GEMIN2: variants seen among roughly 807,000 people sequenced by gnomAD.
The protein encoded by GEMIN2 is gem-associated protein 2.
In GEMIN2, 37 loss-of-function variants were observed where a neutral mutation model predicts 45.8. The observed-to-expected ratio is 0.81, with a 90% CI of 0.62 to 1.06. The LOEUF is 1.06. Among genes scored for constraint, GEMIN2 ranks in the 50% least tolerant of loss-of-function variants. The probability of loss-of-function intolerance (pLI) is 0.00; values close to 1 mark genes in which losing one functional copy is unlikely to be tolerated. For missense variants in GEMIN2, 335 were observed against 321.8 expected, an observed-to-expected ratio of 1.04 and a Z score of -0.31; for synonymous variants, 101 against 111.5, an observed-to-expected ratio of 0.91 and a Z score of 0.60.
chr14:39,121,699 T>C (rs1028031837), intron 4 of GEMIN2, among the ~76,000 whole-genome samples: 1 of 151,936 alleles, frequency 6.6e-6, no homozygotes, highest in Non-Finnish European at 1.5e-5. Flanking sequence ...GGCAGCAAGG[T>C]TGGTCTCTTT....
chr14:39,126,035 A>G (rs1365756108), intron 6 of GEMIN2, among the ~76,000 whole-genome samples: 1 of 151,504 alleles, frequency 6.6e-6, no homozygotes, highest in Non-Finnish European at 1.5e-5. Context: ...AAAAAAAAAG[A>G]AAGATTGAAA....
rs192507058 is a variant in GEMIN2 at position 39,119,648 on chromosome 14, T to C, written c.372+1049T>C. Among the ~76,000 whole-genome samples the C allele has an allele frequency of 2.0e-5, 3 of 152,356 alleles. No homozygotes were observed. The East Asian group carries it at 5.8e-4, about 29-fold the overall frequency. On this transcript the variant is annotated intron_variant, in intron 4 of 9. Coordinates refer to ENST00000308317, the MANE Select transcript of GEMIN2 (RefSeq NM_003616.3). ...TTCCTTTAGGCAGTGCTTCCTGATA[T>C]CTTTTACATGGTGACACATTAGAAT...
chr14:39,126,272 G>C (rs529933890), intron 6 of GEMIN2, among the ~76,000 whole-genome samples: 1 of 142,166 alleles, frequency 7.0e-6, no homozygotes, highest in African/African-American at 2.6e-5. Flanking sequence ...CTTGTACTTT[G>C]GGGCTCAGGC....
In GEMIN2 at chr14:39,114,396, G is replaced by A. The variant is rs1472339454; in HGVS notation, c.58G>A (p.Val20Ile). ...AGAGTTGATGCCTCGGCTATTGCCG[G>A]TAGAGCCTTGCGACTTGACGGAAGG... is the stretch of plus-strand genomic sequence containing the variant. The part of the protein sequence containing the change: ...VEELMPRLLP[V>I]EPCDLTEGFD... The change falls in exon 1 of 10, where the codon GTA (valine) becomes ATA (isoleucine). Residue 20 changes from valine (V) to isoleucine (I), a missense_variant. Physicochemically the swap from Val to Ile is conservative, Grantham distance 29 (BLOSUM62 3). Transcript: ENST00000308317. 2 of 1,613,836 alleles carry A rather than the reference G, an allele frequency of 1.2e-6. No homozygotes were observed. The highest frequency in any genetic ancestry group is 1.7e-6 in the Non-Finnish European group (2 of 1,179,780).
At chr14:39,116,042 T>C (rs1011320566) in intron 2 of GEMIN2, among the ~76,000 whole-genome samples, 2 of 152,012 alleles carry the variant, frequency 1.3e-5, no homozygotes, top group African/African-American at 4.8e-5. Flanking sequence ...GGGCTCTCTT[T>C]TTCCCCCTTT....
At chr14:39,116,949 T>C (rs2052516362) in intron 2 of GEMIN2, among the ~76,000 whole-genome samples, 2 of 152,136 alleles carry the variant, frequency 1.3e-5, no homozygotes, top group African/African-American at 4.8e-5. Context: ...GGTCTTGATA[T>C]GTTGCTCAGG....
chr14:39,131,551 G>T (rs1021791034), intron 7 of GEMIN2, among the ~76,000 whole-genome samples: 4 of 152,124 alleles, frequency 2.6e-5, no homozygotes, highest in African/African-American at 4.8e-5. Flanking sequence ...TAGTTTCTTT[G>T]TATGTCCCCA....
intron 5 of GEMIN2, among the ~76,000 whole-genome samples, 189 bp from the exon 6 acceptor site, chr14:39,124,803 C>T (rs1461768311): frequency 6.6e-6 from 1 of 151,826 alleles, no homozygotes; most frequent in Non-Finnish European, 1.5e-5. Context: ...AAATTTAAGG[C>T]GTTATTTTCT....
chr14:39,119,480 G>C (rs199548923), intron 4 of GEMIN2, among the ~76,000 whole-genome samples: 3 of 152,296 alleles, frequency 2.0e-5, no homozygotes, highest in East Asian at 3.9e-4. Context: ...CATTGTCTCA[G>C]GACAGTAGTT....
Position 39,120,337 on chromosome 14 carries a change from G to A in GEMIN2, c.372+1738G>A, listed in dbSNP as rs530979488. On this transcript the variant is annotated intron_variant, in intron 4 of 9. Coordinates refer to ENST00000308317, the MANE Select transcript of GEMIN2 (RefSeq NM_003616.3). ...GCAGATCACCTGAGCTCAGGAGTTC[G>A]AGACCAGCCTGGGCAACATGGCAAA... 5.3e-5 allele frequency among the ~76,000 whole-genome samples: 8 copies of A among 152,118 alleles called. No individual in the cohort carries two copies. The South Asian group carries it at 6.2e-4, about 12-fold the overall frequency.
chr14:39,128,626 G>C (rs1189719836), intron 7 of GEMIN2, among the ~76,000 whole-genome samples: 1 of 151,038 alleles, frequency 6.6e-6, no homozygotes, highest in Admixed American at 6.6e-5. Flanking sequence ...GAGTAGCTGG[G>C]ACTACAGGCG....
At chr14:39,123,486 G>A (rs967265972) in intron 5 of GEMIN2, among the ~76,000 whole-genome samples, 8 of 151,526 alleles carry the variant, frequency 5.3e-5, no homozygotes, top group Non-Finnish European at 1.0e-4. Context: ...ACTATGCCAA[G>A]GTGCTATTTT....
chr14:39,118,062 G>A lies in GEMIN2; in HGVS notation c.286G>A (p.Val96Met), dbSNP rs950406637. 5.0e-6 allele frequency: 8 copies of A among 1,604,800 alleles called. No homozygotes were observed. The highest frequency in any genetic ancestry group is 6.8e-6 in the Non-Finnish European group (8 of 1,173,314). Residue 96 changes from valine to methionine, a missense_variant, in exon 3 of 10, where the codon GTG becomes ATG. By Grantham distance (21) the Val-to-Met change is conservative (BLOSUM62 1). Transcript: ENST00000308317. ...SPTLQWQQQQ[V>M]AQFSTVRQNV... is the part of the protein sequence containing the mutation. Reference sequence around the variant, plus strand: ...AACACTTCAATGGCAACAGCAACAAGTGGCACAGTTTTCAACTGTTCGACA... The same window carrying A: ...AACACTTCAATGGCAACAGCAACAAATGGCACAGTTTTCAACTGTTCGACA...
chr14:39,131,730 T>G (rs2052718597), intron 7 of GEMIN2: 2 of 398,664 alleles, frequency 5.0e-6, no homozygotes, highest in Non-Finnish European at 8.8e-6. Flanking sequence ...TCTTTGGAGA[T>G]CAGGGAATAT....
chr14:39,123,933 A>T (rs184105883), intron 5 of GEMIN2, among the ~76,000 whole-genome samples: 7 of 151,186 alleles, frequency 4.6e-5, no homozygotes, highest in African/African-American at 1.5e-4. Context: ...TTTTAAAAAA[A>T]TTTTTTTGTA....
chr14:39,117,537 T>G (rs987286226), intron 2 of GEMIN2, among the ~76,000 whole-genome samples: 1 of 152,228 alleles, frequency 6.6e-6, no homozygotes. Context: ...ATTCAAATCT[T>G]CTAGCTGTTT....
intron 9 of GEMIN2, among the ~76,000 whole-genome samples, chr14:39,135,999 T>C (rs566675166): frequency 1.3e-5 from 2 of 152,196 alleles, no homozygotes; most frequent in East Asian, 1.9e-4. Flanking sequence ...GGCTGGAGAA[T>C]TGTTTGAGCC....
In GEMIN2 at chr14:39,118,002, T is replaced by A; in HGVS notation, c.226T>A (p.Ser76Thr). The change falls in exon 3 of 10, where the codon TCA (serine) becomes ACA (threonine). Residue 76 changes from serine to threonine, a missense_variant. Physicochemically the swap from Ser to Thr is moderately conservative, Grantham distance 58. Transcript: ENST00000308317. The part of the protein sequence containing the change: ...KRKQSVNISL[S>T]GCQPAPEGYS... Reference sequence around the variant, plus strand: ...TATTTGTGAACTTGATCTCTAGCTTTCAGGATGCCAACCCGCCCCTGAAGG... The same window carrying A: ...TATTTGTGAACTTGATCTCTAGCTTACAGGATGCCAACCCGCCCCTGAAGG... The A allele has an allele frequency of 6.3e-7, 1 of 1,583,220 alleles. No homozygotes were observed. Among genetic ancestry groups the A allele is most frequent in the Non-Finnish European group, 8.7e-7 (1 of 1,155,110 alleles).
intron 2 of GEMIN2, among the ~76,000 whole-genome samples, chr14:39,117,430 T>C (rs1411726562): frequency 3.9e-5 from 6 of 152,210 alleles, no homozygotes. Context: ...TACATATTTA[T>C]GGAGTATATG....
Sources: gnomAD v4.1 joint callset for allele counts (sites outside exome capture counted in the v4.1 genomes callset) on GRCh38, gnomAD v4.1.1 for gene constraint, MANE v1.5 for transcripts, NCBI Gene and HGNC (gene_info 2026-07-23, HGNC 2026-07-21) for gene names.